The following DYNLL1 variants were observed in gnomAD, a reference collection of about 807,000 sequenced individuals.
The protein encoded by DYNLL1 is dynein light chain LC8-type 1, also known as dynein light chain 1, cytoplasmic.
In DYNLL1, 3 loss-of-function variants were observed where a neutral mutation model predicts 10.1. The observed-to-expected ratio is 0.30, with a 90% confidence interval of 0.14 to 0.77. DYNLL1 has a LOEUF of 0.77. Among genes scored for constraint, DYNLL1 ranks in the 30% least tolerant of loss-of-function variants. The pLI is 0.66. For synonymous variants in DYNLL1, 46 were observed against 41.2 expected (o/e 1.12, Z -0.45); for missense variants, 47 against 111.7 (o/e 0.42, Z 2.61).
chr12:120,490,692 T>C (rs1386954244), intron 1 of DYNLL1: 1 of 152,274 alleles, frequency 6.6e-6, no homozygotes, highest in African/African-American at 2.4e-5. Flanking sequence ...CAGACATTTT[T>C]GGTTGTTGAA....
At chr12:120,478,555 A>G (rs1878806379) in intron 1 of DYNLL1, among the ~76,000 whole-genome samples, 1 of 151,156 alleles carries the variant, frequency 6.6e-6, no homozygotes, top group African/African-American at 2.4e-5. Context: ...CCTAAAAAAT[A>G]AAAAGGCAAT....
chr12:120,489,908 C>G (rs1879084071), intron 1 of DYNLL1, among the ~76,000 whole-genome samples: 1 of 152,152 alleles, frequency 6.6e-6, no homozygotes, highest in Non-Finnish European at 1.5e-5. Context: ...CTGCCACGCC[C>G]AGCTAATTTT....
upstream of DYNLL1, among the ~76,000 whole-genome samples, chr12:120,494,517 C>T (rs372595103): frequency 2.0e-5 from 3 of 152,212 alleles, no homozygotes; most frequent in East Asian, 3.9e-4. Flanking sequence ...CTCAGGTCAT[C>T]CACCCGCCTC....
upstream of DYNLL1, chr12:120,492,161 A>C (rs1217729110): frequency 6.6e-6 from 1 of 152,216 alleles, no homozygotes; most frequent in Non-Finnish European, 1.5e-5. The surrounding 1 kb of genome is among the most constrained non-coding windows in gnomAD (Gnocchi z 4.1). Flanking sequence ...TGTTATGAGA[A>C]GCCAATGAGA....
At chr12:120,486,759 A>G (rs1879002848) in intron 1 of DYNLL1, among the ~76,000 whole-genome samples, 1 of 152,116 alleles carries the variant, frequency 6.6e-6, no homozygotes, top group Non-Finnish European at 1.5e-5. Context: ...GGCATGAGAC[A>G]CTGCACCTGG....
At chr12:120,496,268 C>T in intron 1 of DYNLL1, 52 bp downstream of exon 1, 1 of 1,225,838 alleles carries the variant, frequency 8.2e-7, no homozygotes, top group Non-Finnish European at 1.1e-6. Context: ...TTTCGCCCCA[C>T]TCCGGACTTA....
intron 1 of DYNLL1, among the ~76,000 whole-genome samples, chr12:120,481,892 A>G (rs914202162): frequency 1.1e-4 from 16 of 152,226 alleles, no homozygotes; most frequent in Admixed American, 9.2e-4. Context: ...TCTGTTGCCC[A>G]TGGGGCAGTG....
chr12:120,479,959 G>A (rs556499128), intron 1 of DYNLL1, among the ~76,000 whole-genome samples: 2 of 152,260 alleles, frequency 1.3e-5, no homozygotes, highest in African/African-American at 4.8e-5. Flanking sequence ...GTATATCCCT[G>A]AATAGGATGA....
intron 1 of DYNLL1, among the ~76,000 whole-genome samples, chr12:120,477,625 A>T (rs192598678): frequency 1.4e-3 from 220 of 151,966 alleles, no homozygotes; most frequent in Middle Eastern, 3.4e-3. Flanking sequence ...AATAAATAAA[A>T]AAAGCTGGGT....
intron 2 of DYNLL1, chr12:120,497,864 G>A: frequency 5.3e-6 from 3 of 567,954 alleles, no homozygotes; most frequent in Middle Eastern, 2.8e-4. Flanking sequence ...GACCTCCTCA[G>A]CCTCCATTCC....
chr12:120,485,002 A>T (rs1372351386), intron 1 of DYNLL1, among the ~76,000 whole-genome samples: 1 of 152,114 alleles, frequency 6.6e-6, no homozygotes, highest in Non-Finnish European at 1.5e-5. Context: ...GGCCTCCCAA[A>T]GTGCTGGGAT....
chr12:120,477,795 T>A (rs564558217), intron 1 of DYNLL1, among the ~76,000 whole-genome samples: 16 of 151,692 alleles, frequency 1.1e-4, no homozygotes, highest in African/African-American at 3.4e-4. Context: ...AGTAAAAATA[T>A]ATATATATTT....
At chr12:120,474,371 A>G (rs1175416364) in intron 1 of DYNLL1, among the ~76,000 whole-genome samples, 1 of 152,004 alleles carries the variant, frequency 6.6e-6, no homozygotes, top group Non-Finnish European at 1.5e-5. Context: ...TTAAGAATTA[A>G]TGCAGTTCCC....
intron 1 of DYNLL1, among the ~76,000 whole-genome samples, chr12:120,489,808 C>T (rs563105532): frequency 5.3e-5 from 8 of 152,148 alleles, no homozygotes; most frequent in Non-Finnish European, 8.8e-5. Context: ...AGTGCAGTGG[C>T]GCGATCTCAG....
chr12:120,497,933 C>T (rs1012246368), intron 2 of DYNLL1, 140 bp from the exon 3 acceptor site: 5 of 821,060 alleles, frequency 6.1e-6, no homozygotes, highest in Non-Finnish European at 5.6e-6. Context: ...CGGCTTGGAG[C>T]TGGGGAACAT....
At chr12:120,487,272 CTTTTTTTTTTTTTTTTTTT>C (rs71076619) in intron 1 of DYNLL1, among the ~76,000 whole-genome samples, 5 of 50,380 alleles carry the variant, frequency 9.9e-5, no homozygotes, top group Admixed American at 6.5e-4. Flanking sequence ...CGTGCCCGGC[CTTTTTTTTTTTTTTTTTTT>C]TTTTTTTTTT....
intron 1 of DYNLL1, among the ~76,000 whole-genome samples, chr12:120,480,607 G>A (rs773572589): frequency 6.6e-6 from 1 of 152,166 alleles, no homozygotes; most frequent in Non-Finnish European, 1.5e-5. Context: ...TGCCTCCCGA[G>A]TCTTTGCCTG....
At chr12:120,476,051 A>G (rs1229032830) in intron 1 of DYNLL1, among the ~76,000 whole-genome samples, 1 of 152,142 alleles carries the variant, frequency 6.6e-6, no homozygotes, top group Non-Finnish European at 1.5e-5. Flanking sequence ...AACCTTGAAA[A>G]CTTTCTTCAC....
upstream of DYNLL1, among the ~76,000 whole-genome samples, chr12:120,494,540 T>C (rs1349867212): frequency 2.0e-5 from 3 of 152,190 alleles, no homozygotes; most frequent in African/African-American, 7.2e-5. Context: ...CCTCCCAAAG[T>C]GCTGGGATTA....
Sources: allele counts gnomAD v4.1 joint callset (sites outside exome capture counted in the v4.1 genomes callset), GRCh38; gene constraint gnomAD v4.1.1; non-coding constraint Gnocchi (gnomAD v3.1); transcripts MANE v1.5; gene names NCBI Gene and HGNC (gene_info 2026-07-23, HGNC 2026-07-21).